SGCD: variants seen among roughly 807,000 people sequenced by gnomAD.
SGCD encodes the protein sarcoglycan delta.
A neutral mutation model predicts 36.6 loss-of-function variants in SGCD; 18 were observed. The ratio of observed to expected loss-of-function variants is 0.49; its 90% CI spans 0.34 to 0.73. The LOEUF (loss-of-function observed/expected upper bound fraction) is 0.73. SGCD is among the 30% of genes least tolerant of loss of function. SGCD has a pLI of 0.01. For synonymous variants in SGCD, 133 were observed against 130.6 expected (o/e 1.02, Z -0.12); for missense variants, 387 against 346.7 (o/e 1.12, Z -0.92).
In SGCD at chr5:155,876,623, C is replaced by T. The variant is rs148439884; in HGVS notation, c.-282+6199C>T. ...AGTGTCTTCATCTAAAGCTTAGCTG[C>T]GTTTCTTCCTTGATATTCTCTATTT... On this transcript the variant is annotated intron_variant, in intron 1 of 9. Transcript: ENST00000517913. Among the ~76,000 whole-genome samples, 1,323 of 152,146 alleles carry T rather than the reference C, an allele frequency of 8.7e-3. 9 individuals are homozygous for T. The highest frequency in any genetic ancestry group is 0.018 in the South Asian group (85 of 4,822).
intron 3 of SGCD, among the ~76,000 whole-genome samples, chr5:156,295,054 T>C (rs1472819094): frequency 6.6e-6 from 1 of 152,190 alleles, no homozygotes; most frequent in Non-Finnish European, 1.5e-5. Flanking sequence ...AGGATTGCTA[T>C]TAATTCTTTA....
intron 3 of SGCD, among the ~76,000 whole-genome samples, chr5:156,352,739 AC>A (rs1769318425): frequency 6.6e-6 from 1 of 152,200 alleles, no homozygotes; most frequent in African/African-American, 2.4e-5. Context: ...GCACATAAGA[AC>A]CCTATGAGCT....
chr5:156,185,858 GAGAGAGAGAGAGA>G (rs1763742094), intron 3 of SGCD, among the ~76,000 whole-genome samples: 1 of 6,478 alleles, frequency 1.5e-4, no homozygotes, highest in African/African-American at 2.4e-4. Context: ...TATAGAGAGA[GAGAGAGAGAGAGA>G]GAGAGAGAGA....
intron 4 of SGCD, among the ~76,000 whole-genome samples, chr5:156,526,784 G>A (rs746997210): frequency 2.0e-5 from 3 of 152,052 alleles, no homozygotes; most frequent in South Asian, 2.1e-4. Flanking sequence ...AGTTCAACAC[G>A]TAATACTATT....
At chr5:156,744,351 A>C (rs780847843) in intron 7 of SGCD, among the ~76,000 whole-genome samples, 10 of 152,298 alleles carry the variant, frequency 6.6e-5, no homozygotes, top group Non-Finnish European at 1.5e-4. Context: ...GTTGGAGATC[A>C]CCTGCTCGAT....
intron 4 of SGCD, among the ~76,000 whole-genome samples, chr5:156,535,188 T>C (rs1029794117): frequency 2.6e-5 from 4 of 152,160 alleles, no homozygotes; most frequent in Admixed American, 6.5e-5. Flanking sequence ...CACACACCAA[T>C]GTTAGCCTTA....
intron 6 of SGCD, among the ~76,000 whole-genome samples, chr5:156,598,781 G>T (rs1179722270): frequency 6.6e-6 from 1 of 152,190 alleles, no homozygotes; most frequent in African/African-American, 2.4e-5. Context: ...AAAACTCTGT[G>T]ATGGTATCAC....
chr5:155,988,760 T>C (rs1263504058), intron 1 of SGCD, among the ~76,000 whole-genome samples: 1 of 152,196 alleles, frequency 6.6e-6, no homozygotes, highest in East Asian at 1.9e-4. Flanking sequence ...ACTTCAGTTT[T>C]CTCCTTTGTA....
chr5:155,787,570 G>T, the SGCD span, among the ~76,000 whole-genome samples: 1 of 152,116 alleles, frequency 6.6e-6, no homozygotes. Context: ...GTTTCAACAG[G>T]ATAGTATTTG....
chr5:155,847,655 C>T, the SGCD span, among the ~76,000 whole-genome samples: 32 of 152,250 alleles, frequency 2.1e-4, no homozygotes, highest in African/African-American at 7.7e-4. Flanking sequence ...AGTCCACATA[C>T]CCTGGGGCTA....
intron 6 of SGCD, among the ~76,000 whole-genome samples, chr5:156,635,320 C>A (rs145399691): frequency 6.7e-4 from 102 of 152,268 alleles, no homozygotes; most frequent in Middle Eastern, 6.8e-3. Context: ...AAATGCAAAT[C>A]AAAACCACAA....
At chr5:156,750,694 A>T (rs1048428378) in intron 7 of SGCD, among the ~76,000 whole-genome samples, 1 of 151,992 alleles carries the variant, frequency 6.6e-6, no homozygotes, top group African/African-American at 2.4e-5. Flanking sequence ...AATTAACATA[A>T]TTTATAGTTG....
rs763067309 is a variant in SGCD, at chr5:155,975,609, C to CTTTTTT, written c.-282+105217_-282+105222dup. On this transcript the variant is annotated intron_variant, in intron 1 of 9. Coordinates refer to the SGCD transcript ENST00000517913. The stretch of plus-strand genomic sequence containing the variant: ...TGTGTTATTTATTTTTCTTTCTTTC[C>CTTTTTT]TTTTTTTTTTTTTTTTTTTTTTTTT... 1.1e-4 allele frequency among the ~76,000 whole-genome samples: 3 copies of CTTTTTT among 28,026 alleles called. 1 individual carries two copies. The highest frequency in any genetic ancestry group is 1.4e-4 in the Non-Finnish European group (2 of 14,592). 18.4% of individuals were successfully genotyped at this position (28,026 alleles called of 152,430 possible).
upstream of SGCD, among the ~76,000 whole-genome samples, chr5:155,870,169 T>A (rs892490916): frequency 6.6e-6 from 1 of 152,236 alleles, no homozygotes; most frequent in Non-Finnish European, 1.5e-5. Flanking sequence ...CCAGAGGGCC[T>A]GGATTTGAAC....
chr5:155,776,628 G>A, the SGCD span, among the ~76,000 whole-genome samples: 15 of 151,728 alleles, frequency 9.9e-5, no homozygotes, highest in Non-Finnish European at 1.5e-4. Flanking sequence ...GGTCCTTTCC[G>A]CAACACCCCC....
Position 156,253,179 on chromosome 5 carries a change from A to G in SGCD, c.-43-76355A>G, listed in dbSNP as rs191814583. 2.2e-4 allele frequency among the ~76,000 whole-genome samples: 33 copies of G among 152,284 alleles called. No homozygotes were observed. In the East Asian group the frequency reaches 6.2e-3, roughly 28 times the overall value. ...GCTTCATGAAGAACCACAGTTGGGA[A>G]CAGGAAAGGAACAAAGCCCAGGTGA... On this transcript the variant is annotated intron_variant, in intron 3 of 9. Coordinates refer to the SGCD transcript ENST00000517913.
intron 3 of SGCD, among the ~76,000 whole-genome samples, chr5:156,345,025 G>T (rs1458094692): frequency 6.6e-6 from 1 of 152,142 alleles, no homozygotes; most frequent in East Asian, 1.9e-4. Flanking sequence ...TAAGTTTTCA[G>T]CAAGTGTAGT....
chr5:156,561,953 G>T (rs930200565), intron 4 of SGCD, among the ~76,000 whole-genome samples: 4 of 152,096 alleles, frequency 2.6e-5, no homozygotes, highest in Non-Finnish European at 5.9e-5. Context: ...TTAAATAAGA[G>T]AACTCATGCA....
rs7706981 is a variant in SGCD at position 156,430,392 on chromosome 5, T to A, written c.193-78209T>A. 3.0e-3 allele frequency among the ~76,000 whole-genome samples: 464 copies of A among 152,208 alleles called. 2 individuals are homozygous for A. Among genetic ancestry groups the A allele is most frequent in the African/African-American group, 0.01 (436 of 41,564 alleles). ...TTTTTCTACTATTTTTCTGGAAAGT[T>A]TTTTATTCATATCCTGGATTTTTTT... On this transcript the variant is annotated intron_variant, in intron 3 of 8. Transcript: ENST00000337851.
Sources: allele counts gnomAD v4.1 joint callset (sites outside exome capture counted in the v4.1 genomes callset), GRCh38; gene constraint gnomAD v4.1.1; transcripts MANE v1.5; gene names NCBI Gene and HGNC (gene_info 2026-07-23, HGNC 2026-07-21).